TENT4A: variants seen among roughly 807,000 people sequenced by gnomAD.
TENT4A encodes the protein terminal nucleotidyltransferase 4A, also known as DNA polymerase kappa.
A neutral mutation model predicts 72.8 loss-of-function variants in TENT4A; 7 were observed. The observed-to-expected ratio is 0.10, with a 90% confidence interval of 0.05 to 0.18. The LOEUF is 0.18. Ranked by LOEUF, TENT4A falls within the 10% of genes least tolerant of loss-of-function variation. TENT4A has a pLI of 1.00. For missense variants in TENT4A, 831 were observed against 1,017.7 expected (o/e 0.82, Z 2.50); for synonymous variants, 456 against 434.3 (o/e 1.05, Z -0.62).
chr5:6,753,890 C>T (rs1358963266), intron 12 of TENT4A, among the ~76,000 whole-genome samples: 2 of 152,244 alleles, frequency 1.3e-5, no homozygotes, highest in African/African-American at 2.4e-5. Flanking sequence ...CAACTTCGCA[C>T]ACCGGCCTCT....
chr5:6,741,261 G>A (rs1446048575), intron 4 of TENT4A, among the ~76,000 whole-genome samples: 1 of 152,230 alleles, frequency 6.6e-6, no homozygotes, highest in Non-Finnish European at 1.5e-5. Context: ...GGGGAGCACT[G>A]TGCAGCCGGC....
Position 6,755,031 on chromosome 5 carries a change from C to G in TENT4A, c.*86C>G. ...CCGGCAGGGGAACCGAGACCAGCACCCCGCACGTCAGCCGGGCTCGCGGCA... is the reference window on the plus strand; with the variant it reads ...CCGGCAGGGGAACCGAGACCAGCACGCCGCACGTCAGCCGGGCTCGCGGCA... On this transcript the variant is annotated 3_prime_UTR_variant, in exon 13 of 13. Coordinates refer to ENST00000230859, the MANE Select transcript of TENT4A (RefSeq NM_006999.6). 1.6e-6 allele frequency: 2 copies of G among 1,241,864 alleles called. No individual in the cohort carries two copies. Among genetic ancestry groups the G allele is most frequent in the Non-Finnish European group, 2.2e-6 (2 of 924,904 alleles). 76.9% of individuals were successfully genotyped at this position (1,241,864 alleles called of 1,614,324 possible). A position where few individuals can be genotyped will look rare whatever the true frequency, so the allele number is the denominator to read the frequency against.
chr5:6,732,425 T>C (rs905537744), intron 1 of TENT4A, among the ~76,000 whole-genome samples: 5 of 152,214 alleles, frequency 3.3e-5, no homozygotes, highest in Non-Finnish European at 5.9e-5. Context: ...CTTCTTTTGC[T>C]CTTAAAATAG....
At chr5:6,726,782 G>A (rs1409509362) in intron 1 of TENT4A, among the ~76,000 whole-genome samples, 1 of 152,198 alleles carries the variant, frequency 6.6e-6, no homozygotes, top group African/African-American at 2.4e-5. Context: ...AGTTGCCTTT[G>A]ATTGCCCAGC....
At chr5:6,720,581 C>G (rs1207700384) in intron 1 of TENT4A, among the ~76,000 whole-genome samples, 1 of 151,912 alleles carries the variant, frequency 6.6e-6, no homozygotes. Context: ...GAGGCAGAGG[C>G]AGGAGAATCC....
intron 6 of TENT4A, 30 bp from the exon 7 acceptor site, chr5:6,746,184 A>G (rs1318774641): frequency 1.2e-6 from 2 of 1,614,088 alleles, no homozygotes; most frequent in Non-Finnish European, 8.5e-7. Context: ...CCATGAATCC[A>G]TACAAATTGT....
At chr5:6,741,221 A>G (rs537243685) in intron 4 of TENT4A, among the ~76,000 whole-genome samples, 1 of 152,226 alleles carries the variant, frequency 6.6e-6, no homozygotes, top group South Asian at 2.1e-4. Context: ...GACTGTAGGG[A>G]GAGCCTGGAG....
intron 10 of TENT4A, 166 bp from the exon 11 acceptor site, chr5:6,750,873 G>A: frequency 1.6e-6 from 1 of 642,576 alleles, no homozygotes; most frequent in Non-Finnish European, 2.7e-6. Flanking sequence ...GAAATTACTT[G>A]AAGGAAGCCT....
intron 5 of TENT4A, 105 bp downstream of exon 5, chr5:6,742,702 T>C (rs367711159): frequency 5.4e-5 from 38 of 701,682 alleles, no homozygotes; most frequent in East Asian, 3.1e-4. Flanking sequence ...CACAAGTCTT[T>C]CGTAACACAG....
At chr5:6,724,880 G>A (rs1434223513) in intron 1 of TENT4A, among the ~76,000 whole-genome samples, 1 of 152,204 alleles carries the variant, frequency 6.6e-6, no homozygotes, top group Admixed American at 6.5e-5. Context: ...CCTGGGAGAG[G>A]CTGTTCTCGG....
At chr5:6,720,381 C>A (rs1178479082) in intron 1 of TENT4A, among the ~76,000 whole-genome samples, 1 of 152,068 alleles carries the variant, frequency 6.6e-6, no homozygotes, top group Non-Finnish European at 1.5e-5. Context: ...TTCTTCTTGT[C>A]CAACACTTTT....
In TENT4A at chr5:6,754,927, C is replaced by T. The variant is rs148807922; in HGVS notation, c.2361C>T (p.Pro787=). The change falls in exon 13 of 13, where the codon CCC becomes CCT. Residue 787 remains proline, a synonymous_variant. Transcript: ENST00000230859. The part of the protein sequence containing the change: ...KKHTHTRDSL[P]VSLSR Reference sequence around the variant, plus strand: ...ACACACACACACGGGACAGTCTGCCCGTGAGCCTCAGCAGATAATGGCTCC... The same window carrying T: ...ACACACACACACGGGACAGTCTGCCTGTGAGCCTCAGCAGATAATGGCTCC... 2.7e-5 allele frequency: 43 copies of T among 1,583,158 alleles called. No homozygotes were observed. Among genetic ancestry groups the T allele is most frequent in the Non-Finnish European group, 3.6e-5 (42 of 1,157,036 alleles).
intron 1 of TENT4A, 157 bp downstream of exon 1, chr5:6,714,856 A>G: frequency 3.2e-6 from 1 of 314,476 alleles, no homozygotes; most frequent in Non-Finnish European, 5.6e-6. Flanking sequence ...TTTTTTTTTA[A>G]ACATCAGACT....
intron 1 of TENT4A, among the ~76,000 whole-genome samples, chr5:6,718,558 G>T (rs1463001919): frequency 2.0e-5 from 3 of 152,208 alleles, no homozygotes; most frequent in African/African-American, 7.2e-5. Context: ...CACTCTCCGA[G>T]TCCCAGAGGT....
intron 4 of TENT4A, among the ~76,000 whole-genome samples, chr5:6,740,511 A>G (rs1561038520): frequency 1.3e-5 from 2 of 152,200 alleles, no homozygotes; most frequent in South Asian, 4.1e-4. Flanking sequence ...TGTGATTCAC[A>G]TCCTTATAGT....
chr5:6,734,747 C>T (rs557507551), intron 1 of TENT4A, among the ~76,000 whole-genome samples: 1 of 152,318 alleles, frequency 6.6e-6, no homozygotes, highest in South Asian at 2.1e-4. Context: ...GACAGTGTTC[C>T]CCTGAGCACC....
intron 1 of TENT4A, among the ~76,000 whole-genome samples, chr5:6,727,020 C>G (rs1561029597): frequency 6.6e-6 from 1 of 152,126 alleles, no homozygotes; most frequent in Non-Finnish European, 1.5e-5. Context: ...CCTTGATCCC[C>G]AGCTCACCAC....
At chr5:6,743,877 A>G in intron 6 of TENT4A, 37 bp downstream of exon 6, 5 of 1,606,692 alleles carry the variant, frequency 3.1e-6, no homozygotes, top group Non-Finnish European at 4.3e-6. Context: ...CTGTTGAGAC[A>G]TGTGTAAGAG....
intron 1 of TENT4A, among the ~76,000 whole-genome samples, chr5:6,730,097 C>A (rs533458074): frequency 3.4e-5 from 1 of 29,126 alleles, no homozygotes; most frequent in Non-Finnish European, 1.1e-4. Flanking sequence ...GTTTCTCCGC[C>A]CCCCCCCGGA....
Sources: gnomAD v4.1 joint callset for allele counts (sites outside exome capture counted in the v4.1 genomes callset) on GRCh38, gnomAD v4.1.1 for gene constraint, MANE v1.5 for transcripts, NCBI Gene and HGNC (gene_info 2026-07-23, HGNC 2026-07-21) for gene names.